SLC10A2: variants seen among roughly 807,000 people sequenced by gnomAD.
SLC10A2 encodes solute carrier family 10 member 2, also known as ileal sodium/bile acid cotransporter.
Under a neutral mutation model 27.1 loss-of-function variants are expected in SLC10A2, and 34 were observed. That is an observed-to-expected ratio of 1.26 (90% CI 0.96 to 1.67). The LOEUF is 1.67. Among genes scored for constraint, SLC10A2 ranks in the 40% most tolerant of loss-of-function variants. SLC10A2 has a pLI of 0.00. For missense variants in SLC10A2, 530 were observed against 444.4 expected, an observed-to-expected ratio of 1.19 and a Z score of -1.73; for synonymous variants, 205 against 174.0, an observed-to-expected ratio of 1.18 and a Z score of -1.40.
chr13:103,060,603 T>C (rs961636142), intron 1 of SLC10A2, among the ~76,000 whole-genome samples: 28 of 152,060 alleles, frequency 1.8e-4, no homozygotes, highest in African/African-American at 6.5e-4. Context: ...CTCAAACTCC[T>C]GGGCTCAGGT....
intron 1 of SLC10A2, among the ~76,000 whole-genome samples, chr13:103,062,082 TAAAAG>T (rs909996106): frequency 6.6e-5 from 10 of 152,172 alleles, no homozygotes; most frequent in African/African-American, 2.4e-4. Flanking sequence ...TGTATGGAAA[TAAAAG>T]AAAGAATAAA....
chr13:103,056,238 A>G (rs1875934086), intron 2 of SLC10A2, among the ~76,000 whole-genome samples: 1 of 152,240 alleles, frequency 6.6e-6, no homozygotes, highest in Non-Finnish European at 1.5e-5. Context: ...ACTGAGGAAC[A>G]AGTATTCTGT....
intron 3 of SLC10A2, 114 bp from the exon 4 acceptor site, chr13:103,051,546 A>G: frequency 8.5e-7 from 1 of 1,176,408 alleles, no homozygotes; most frequent in South Asian, 1.3e-5. Flanking sequence ...AGTGATGATA[A>G]AGTTGTCTTT....
At chr13:103,055,327 A>ATACCAG (rs1875908532) in intron 2 of SLC10A2, among the ~76,000 whole-genome samples, 1 of 152,230 alleles carries the variant, frequency 6.6e-6, no homozygotes, top group South Asian at 2.1e-4. Flanking sequence ...TACCAGCTGC[A>ATACCAG]TGGTCTGCCT....
At position 103,066,166 on chromosome 13, in the gene SLC10A2, G is replaced by A; in HGVS notation, c.84C>T (p.Asn28=). 2.5e-6 allele frequency: 4 copies of A among 1,614,064 alleles called. No homozygotes were observed. The highest frequency in any genetic ancestry group is 2.2e-5 in the South Asian group (2 of 91,084). ...SCVVPESNFN[N]ILSVVLSTVL... Reference sequence around the variant, plus strand: ...CCGTACTTAGGACCACACTTAGGATGTTATTGAAATTGCTCTCAGGTACCA... The same window carrying A: ...CCGTACTTAGGACCACACTTAGGATATTATTGAAATTGCTCTCAGGTACCA... The change falls in exon 1 of 6, where the codon AAC becomes AAT. Residue 28 remains asparagine, a synonymous_variant. Transcript: ENST00000245312.
chr13:103,048,157 G>A (rs960506035), intron 5 of SLC10A2, among the ~76,000 whole-genome samples: 6 of 152,004 alleles, frequency 3.9e-5, no homozygotes, highest in African/African-American at 4.8e-5. Flanking sequence ...GGGTTTCACC[G>A]TGTTAGCCAG....
intron 5 of SLC10A2, among the ~76,000 whole-genome samples, chr13:103,049,003 C>T (rs1875690253): frequency 6.6e-6 from 1 of 152,188 alleles, no homozygotes; most frequent in Non-Finnish European, 1.5e-5. Context: ...ATAAAATGGT[C>T]CCAACAGGTT....
Position 103,049,346 on chromosome 13 carries a change from T to C in SLC10A2, c.862A>G (p.Thr288Ala), listed in dbSNP as rs202212847. 5 of 1,613,940 alleles carry C rather than the reference T, an allele frequency of 3.1e-6. No individual in the cohort carries two copies. The highest frequency in any genetic ancestry group is 4.2e-6 in the Non-Finnish European group (5 of 1,179,906). The change falls in exon 5 of 6, where the codon ACC becomes GCC. Residue 288 changes from threonine to alanine, a missense_variant. Transcript: ENST00000245312. ...AAAATGCTGTAGATGAGCGGGAAGG[T>C]GAATACGACATTGAGCTCCTCAGGA... ...FTPEELNVVF[T>A]FPLIYSIFQL...
chr13:103,048,921 A>T (rs559304424), intron 5 of SLC10A2, among the ~76,000 whole-genome samples: 12 of 152,254 alleles, frequency 7.9e-5, no homozygotes, highest in Non-Finnish European at 1.6e-4. Flanking sequence ...ATATTTATAA[A>T]GCATATCAAG....
At position 103,065,768 on chromosome 13, in the gene SLC10A2, A is replaced by T. The variant is rs979554432; in HGVS notation, c.377+105T>A. ...TTCTCTCCTGTTTGATTCCTTAGTC[A>T]TACTTTAGATGCGTGGCAAATCAGT... On this transcript the variant is annotated intron_variant, in intron 1 of 5. Transcript: ENST00000245312. The T allele has an allele frequency of 3.1e-6, 4 of 1,305,664 alleles. No individual in the cohort carries two copies. The African/African-American group carries it at 4.3e-5, about 14-fold the overall frequency. The allele number at this position is 1,305,664 out of a possible 1,614,324, so 80.9% of individuals were successfully genotyped here.
rs1875778842 is a variant in SLC10A2, at chr13:103,051,431, A to G, written c.587T>C (p.Ile196Thr). Residue 196 changes from isoleucine to threonine, a missense_variant and splice_region_variant, in exon 4 of 6, where the codon ATT becomes ACT. By Grantham distance (89) the Ile-to-Thr change is moderately conservative (BLOSUM62 -1). Coordinates refer to ENST00000245312, the MANE Select transcript of SLC10A2 (RefSeq NM_000452.3). Reference sequence around the variant, plus strand: ...GAGGATGGCGCCCGCGATGGACCCAATCTGAAAAAAAAAGGAATAAGTGAA... The same window carrying G: ...GAGGATGGCGCCCGCGATGGACCCAGTCTGAAAAAAAAAGGAATAAGTGAA... ...WPQKAKIILK[I>T]GSIAGAILIV... 2 of 1,613,822 alleles carry G rather than the reference A, an allele frequency of 1.2e-6. No homozygotes were observed. The highest frequency in any genetic ancestry group is 2.2e-5 in the East Asian group (1 of 44,840).
rs200727413 is a variant in SLC10A2 at position 103,045,160 on chromosome 13, T to G, written c.*973A>C. 1.3e-5 allele frequency: 2 copies of G among 152,378 alleles called. No homozygotes were observed. The highest frequency in any genetic ancestry group is 3.9e-4 in the East Asian group (2 of 5,182). 9.4% of individuals were successfully genotyped at this position (152,378 alleles called of 1,614,324 possible). A position where few individuals can be genotyped will look rare whatever the true frequency, so the allele number is the denominator to read the frequency against. The stretch of plus-strand genomic sequence containing the variant: ...CTTGTGTTTTCTATGTATTTTATAC[T>G]ATCTCCCATTGAATTAATTCCTCCA... On this transcript the variant is annotated 3_prime_UTR_variant, in exon 6 of 6. Transcript: ENST00000245312.
intron 1 of SLC10A2, among the ~76,000 whole-genome samples, chr13:103,065,172 T>C (rs1403334040): frequency 2.6e-5 from 4 of 152,158 alleles, no homozygotes; most frequent in African/African-American, 9.7e-5. Flanking sequence ...TTCTATTAGT[T>C]TTTTTTTCCA....
At chr13:103,049,554 A>T (rs367588984) in intron 4 of SLC10A2, 108 bp from the exon 5 acceptor site, 2 of 1,101,430 alleles carry the variant, frequency 1.8e-6, no homozygotes. Flanking sequence ...CTCTGCTTTT[A>T]ATGCATGTAT....
chr13:103,059,461 A>G (rs1172002553), intron 1 of SLC10A2, among the ~76,000 whole-genome samples: 4 of 152,192 alleles, frequency 2.6e-5, no homozygotes, highest in African/African-American at 9.7e-5. Flanking sequence ...AACCTGTAGC[A>G]TCGTCTGGTG....
In SLC10A2 at chr13:103,044,791, A is replaced by C. The variant is rs202188041; in HGVS notation, c.*1342T>G. On this transcript the variant is annotated 3_prime_UTR_variant, in exon 6 of 6. Transcript: ENST00000245312. Reference sequence around the variant, plus strand: ...AAAACCACTAAGGACCGAGTGGTTAAGATTGTGTATTCTGATTGCTGCAGA... The same window carrying C: ...AAAACCACTAAGGACCGAGTGGTTACGATTGTGTATTCTGATTGCTGCAGA... 12 of 152,226 alleles carry C rather than the reference A, an allele frequency of 7.9e-5. No homozygotes were observed. The highest frequency in any genetic ancestry group is 1.5e-4 in the Non-Finnish European group (10 of 68,036). 9.4% of individuals were successfully genotyped at this position (152,226 alleles called of 1,614,324 possible). A position where few individuals can be genotyped will look rare whatever the true frequency, so the allele number is the denominator to read the frequency against.
intron 1 of SLC10A2, among the ~76,000 whole-genome samples, chr13:103,065,036 G>A (rs1334450355): frequency 1.3e-5 from 2 of 152,210 alleles, no homozygotes; most frequent in Non-Finnish European, 2.9e-5. Context: ...CACCTGGATG[G>A]TTTGCAGAAG....
In SLC10A2 at chr13:103,066,144, T is replaced by A; in HGVS notation, c.106A>T (p.Thr36Ser). Reference protein sequence around the residue: ...FNNILSVVLSTVLTILLALVM... With the variant: ...FNNILSVVLSSVLTILLALVM... ...AAGGCCAACAGGATGGTCAGCACCG[T>A]ACTTAGGACCACACTTAGGATGTTA... The change falls in exon 1 of 6, where the codon ACG becomes TCG. Residue 36 changes from threonine (T) to serine (S), a missense_variant. By Grantham distance (58) the Thr-to-Ser change is moderately conservative. Transcript: ENST00000245312. 1 of 1,614,066 alleles carries A rather than the reference T, an allele frequency of 6.2e-7. No homozygotes were observed. Among genetic ancestry groups the A allele is most frequent in the South Asian group, 1.1e-5 (1 of 91,084 alleles).
At chr13:103,061,731 G>A (rs1196040702) in intron 1 of SLC10A2, among the ~76,000 whole-genome samples, 1 of 152,140 alleles carries the variant, frequency 6.6e-6, no homozygotes, top group Non-Finnish European at 1.5e-5. Context: ...CAGCACTGAC[G>A]AAGAGACCTT....
Sources: gnomAD v4.1 joint callset for allele counts (sites outside exome capture counted in the v4.1 genomes callset) on GRCh38, gnomAD v4.1.1 for gene constraint, MANE v1.5 for transcripts, NCBI Gene and HGNC (gene_info 2026-07-23, HGNC 2026-07-21) for gene names.